SPAG16: variants seen among roughly 807,000 people sequenced by gnomAD.
SPAG16 encodes the protein sperm-associated antigen 16 protein.
A neutral mutation model predicts 80.4 loss-of-function variants in SPAG16; 86 were observed. The observed-to-expected ratio is 1.07, with a 90% CI of 0.90 to 1.28. SPAG16 has a LOEUF of 1.28. Ranked by LOEUF, SPAG16 falls within the 50% of genes most tolerant of loss-of-function variation. SPAG16 has a pLI of 0.00. For missense variants in SPAG16, 870 were observed against 765.3 expected (o/e 1.14, Z -1.61); for synonymous variants, 294 against 265.9 (o/e 1.11, Z -1.03).
chr2:213,538,511 T>C (rs953680858), intron 10 of SPAG16, among the ~76,000 whole-genome samples: 1 of 152,138 alleles, frequency 6.6e-6, no homozygotes, highest in Non-Finnish European at 1.5e-5. Flanking sequence ...CTTAAAAAAA[T>C]AAAATTCACT....
intron 9 of SPAG16, among the ~76,000 whole-genome samples, chr2:213,458,683 A>C (rs1203829725): frequency 6.6e-6 from 1 of 152,210 alleles, no homozygotes; most frequent in Non-Finnish European, 1.5e-5. Context: ...CACTGTGTAC[A>C]CAGTTGTATA....
intron 10 of SPAG16, among the ~76,000 whole-genome samples, chr2:213,834,145 C>T (rs982698020): frequency 6.6e-6 from 1 of 152,130 alleles, no homozygotes; most frequent in Admixed American, 6.5e-5. Flanking sequence ...TGCCTTTCAC[C>T]TTCCACCATG....
At chr2:213,958,099 C>G (rs571711800) in intron 12 of SPAG16, among the ~76,000 whole-genome samples, 1 of 152,230 alleles carries the variant, frequency 6.6e-6, no homozygotes, top group African/African-American at 2.4e-5. Flanking sequence ...CACATGCTCA[C>G]CTAGTGGGAG....
chr2:213,521,362 G>GA (rs1260452232), intron 10 of SPAG16, among the ~76,000 whole-genome samples: 1 of 152,110 alleles, frequency 6.6e-6, no homozygotes, highest in Non-Finnish European at 1.5e-5. Flanking sequence ...TTTTCATTCT[G>GA]ACTTGCAGTG....
At chr2:214,336,427 C>T (rs1697293055) in intron 15 of SPAG16, among the ~76,000 whole-genome samples, 1 of 152,092 alleles carries the variant, frequency 6.6e-6, no homozygotes, top group African/African-American at 2.4e-5. Flanking sequence ...ATGAGGAAGA[C>T]TAAGTAACAC....
chr2:214,042,604 A>G (rs890026024), intron 13 of SPAG16, among the ~76,000 whole-genome samples: 1 of 152,214 alleles, frequency 6.6e-6, no homozygotes. Context: ...CAAGAAATAA[A>G]GATAGTTCAA....
At position 213,585,152 on chromosome 2, in the gene SPAG16, G is replaced by C. The variant is rs112161376; in HGVS notation, c.1070+95062G>C. On this transcript the variant is annotated intron_variant, in intron 10 of 15. Coordinates refer to ENST00000331683, the MANE Select transcript of SPAG16 (RefSeq NM_024532.5). ...TGTAGTGAGCTGAGATCGTGCCACT[G>C]TACTCCAGCCTGCACAATGAGAGTG... Among the ~76,000 whole-genome samples, 226 of 145,848 alleles carry C rather than the reference G, an allele frequency of 1.5e-3. 1 individual carries two copies. The highest frequency in any genetic ancestry group is 4.6e-3 in the African/African-American group (181 of 39,008).
At chr2:213,493,975 C>G (rs897058073) in intron 10 of SPAG16, among the ~76,000 whole-genome samples, 2 of 152,124 alleles carry the variant, frequency 1.3e-5, no homozygotes, top group African/African-American at 4.8e-5. Flanking sequence ...CTGCTCTTGC[C>G]GGTCATTAGC....
intron 14 of SPAG16, among the ~76,000 whole-genome samples, chr2:214,135,877 C>T (rs983893884): frequency 6.6e-6 from 1 of 152,008 alleles, no homozygotes; most frequent in South Asian, 2.1e-4. Context: ...TATAGTCTGC[C>T]GACTGCAGGA....
chr2:213,576,367 G>A (rs2060125615), intron 10 of SPAG16, among the ~76,000 whole-genome samples: 1 of 152,050 alleles, frequency 6.6e-6, no homozygotes, highest in African/African-American at 2.4e-5. Context: ...GATGCCTCCA[G>A]CTTTGTTCTT....
At chr2:214,198,895 A>T (rs1294980718) in intron 15 of SPAG16, among the ~76,000 whole-genome samples, 1 of 151,978 alleles carries the variant, frequency 6.6e-6, no homozygotes, top group Non-Finnish European at 1.5e-5. Context: ...GGCCATTTGT[A>T]TATCTTCTTT....
chr2:213,507,981 A>G (rs1326927835), intron 10 of SPAG16, among the ~76,000 whole-genome samples: 1 of 152,210 alleles, frequency 6.6e-6, no homozygotes, highest in Non-Finnish European at 1.5e-5. Context: ...GGTAAAATAA[A>G]TGATTGATAC....
At chr2:213,428,752 T>C (rs2070102368) in intron 9 of SPAG16, among the ~76,000 whole-genome samples, 1 of 152,140 alleles carries the variant, frequency 6.6e-6, no homozygotes, top group African/African-American at 2.4e-5. Flanking sequence ...TGTCTCAACT[T>C]GCTCCCTTTA....
intron 15 of SPAG16, among the ~76,000 whole-genome samples, chr2:214,362,327 C>A (rs1699236031): frequency 6.6e-6 from 1 of 151,848 alleles, no homozygotes; most frequent in Non-Finnish European, 1.5e-5. Flanking sequence ...GGAGCTGAAG[C>A]AATCTTATGG....
At chr2:213,321,775 T>C (rs1055935623) in intron 5 of SPAG16, among the ~76,000 whole-genome samples, 1 of 152,150 alleles carries the variant, frequency 6.6e-6, no homozygotes, top group African/African-American at 2.4e-5. Flanking sequence ...GTTGAGAACA[T>C]TTCTGTATAG....
At chr2:214,400,943 CAAAAG>C (rs1701671240) in intron 15 of SPAG16, among the ~76,000 whole-genome samples, 1 of 151,860 alleles carries the variant, frequency 6.6e-6, no homozygotes. Flanking sequence ...TCTTTGCTCA[CAAAAG>C]AAAAGTTAGG....
intron 10 of SPAG16, among the ~76,000 whole-genome samples, chr2:213,496,710 CATATCCATATATAT>C (rs1473796248): frequency 1.1e-4 from 16 of 150,734 alleles, no homozygotes; most frequent in Non-Finnish European, 2.4e-4. Flanking sequence ...TCCATATATA[CATATCCATATATAT>C]AATGCTTAAG....
At chr2:213,440,384 C>T (rs2070870322) in intron 9 of SPAG16, among the ~76,000 whole-genome samples, 1 of 148,948 alleles carries the variant, frequency 6.7e-6, no homozygotes, top group Non-Finnish European at 1.5e-5. Flanking sequence ...CTAGTCTCTA[C>T]TAAAAAAAAA....
intron 12 of SPAG16, among the ~76,000 whole-genome samples, chr2:214,002,882 C>T (rs182723969): frequency 2.0e-5 from 3 of 152,296 alleles, no homozygotes; most frequent in East Asian, 3.9e-4. Flanking sequence ...AACACCTTCA[C>T]AGACATACCC....
Sources: allele counts gnomAD v4.1 joint callset (sites outside exome capture counted in the v4.1 genomes callset), GRCh38; gene constraint gnomAD v4.1.1; transcripts MANE v1.5; gene names NCBI Gene and HGNC (gene_info 2026-07-23, HGNC 2026-07-21).